The following DCDC1 variants were observed in gnomAD, a reference collection of about 807,000 sequenced individuals.
DCDC1 encodes the protein doublecortin domain-containing protein 1.
A neutral mutation model predicts 178.3 loss-of-function variants in DCDC1; 200 were observed. That is an observed-to-expected ratio of 1.12 (90% CI 1.00 to 1.26). The LOEUF is 1.26. Among genes scored for constraint, DCDC1 ranks in the 50% most tolerant of loss-of-function variants. The pLI is 0.00. For synonymous variants in DCDC1, 690 were observed against 604.8 expected, an observed-to-expected ratio of 1.14 and a Z score of -2.07; for missense variants, 1,983 against 1,749.2, an observed-to-expected ratio of 1.13 and a Z score of -2.38.
chr11:30,884,077 C>G (rs1257507304), intron 36 of DCDC1, among the ~76,000 whole-genome samples: 1 of 127,274 alleles, frequency 7.9e-6, no homozygotes, highest in Non-Finnish European at 1.6e-5. Flanking sequence ...GTCACCTAGG[C>G]TGGAGTGCAG....
At chr11:31,268,842 A>G (rs1045637827) in intron 7 of DCDC1, among the ~76,000 whole-genome samples, 1 of 152,318 alleles carries the variant, frequency 6.6e-6, no homozygotes, top group East Asian at 1.9e-4. Context: ...CCAACAGTGT[A>G]TAAGCGTTCC....
chr11:30,927,831 A>G (rs1000251950), intron 22 of DCDC1, among the ~76,000 whole-genome samples: 4 of 152,332 alleles, frequency 2.6e-5, no homozygotes, highest in Admixed American at 1.3e-4. Context: ...CTTAAACTCA[A>G]TAAAACTATT....
At position 31,258,802 on chromosome 11, in the gene DCDC1, A is replaced by G. The variant is rs374034730; in HGVS notation, c.1054+6705T>C. Among the ~76,000 whole-genome samples, 95 of 152,290 alleles carry G rather than the reference A, an allele frequency of 6.2e-4. 1 individual carries two copies. The highest frequency in any genetic ancestry group is 2.0e-3 in the African/African-American group (84 of 41,568). On this transcript the variant is annotated intron_variant, in intron 8 of 38. Coordinates refer to ENST00000684477, the MANE Select transcript of DCDC1 (RefSeq NM_001387274.1). ...AAGTTTCTTAGGCTTAAATAATTCCATAGACAGAAGCTGTTACAGCAACCA... is the reference window on the plus strand; with the variant it reads ...AAGTTTCTTAGGCTTAAATAATTCCGTAGACAGAAGCTGTTACAGCAACCA...
At chr11:31,176,661 C>G (rs1319155827) in intron 9 of DCDC1, among the ~76,000 whole-genome samples, 1 of 152,160 alleles carries the variant, frequency 6.6e-6, no homozygotes, top group Middle Eastern at 3.4e-3. Flanking sequence ...AGAAAAGTAT[C>G]AAGTCACATA....
At chr11:31,224,318 A>G (rs1344347385) in intron 9 of DCDC1, among the ~76,000 whole-genome samples, 2 of 152,032 alleles carry the variant, frequency 1.3e-5, no homozygotes, top group African/African-American at 2.4e-5. Flanking sequence ...CATGTAGAAG[A>G]GTAAAACTGG....
chr11:31,323,925 T>C (rs1949511195), intron 3 of DCDC1, among the ~76,000 whole-genome samples: 1 of 152,124 alleles, frequency 6.6e-6, no homozygotes, highest in African/African-American at 2.4e-5. Context: ...AATTGCTAGA[T>C]TCTGTGATAA....
intron 6 of DCDC1, among the ~76,000 whole-genome samples, chr11:31,304,314 A>G (rs1281588037): frequency 6.6e-6 from 1 of 152,192 alleles, no homozygotes; most frequent in Non-Finnish European, 1.5e-5. Context: ...TAATGAAGCA[A>G]TCATTACAAA....
chr11:30,869,835 C>G (rs7117695), intron 38 of DCDC1, among the ~76,000 whole-genome samples: 72,173 of 151,842 alleles, frequency 0.48, 18,537 homozygotes, highest in Middle Eastern at 0.59. Context: ...CACAGGGGAG[C>G]GAGTTTGTCC....
intron 15 of DCDC1, among the ~76,000 whole-genome samples, chr11:31,096,804 G>C (rs1260918359): frequency 6.6e-6 from 1 of 151,996 alleles, no homozygotes; most frequent in Admixed American, 6.6e-5. Flanking sequence ...TAATTTGATA[G>C]CTTAGCTTTA....
At chr11:31,239,319 G>C (rs778778448) in intron 9 of DCDC1, among the ~76,000 whole-genome samples, 2 of 151,980 alleles carry the variant, frequency 1.3e-5, no homozygotes, top group Non-Finnish European at 2.9e-5. Flanking sequence ...AAGGATATTT[G>C]CTAGGAAATC....
At chr11:31,074,145 A>T (rs1207994017) in intron 18 of DCDC1, among the ~76,000 whole-genome samples, 1 of 152,178 alleles carries the variant, frequency 6.6e-6, no homozygotes, top group Non-Finnish European at 1.5e-5. Context: ...AGGTATAGAA[A>T]GATGCCTGAC....
chr11:31,168,871 T>C (rs1966874907), intron 9 of DCDC1, among the ~76,000 whole-genome samples: 2 of 152,206 alleles, frequency 1.3e-5, no homozygotes, highest in African/African-American at 2.4e-5. Flanking sequence ...TATTATTTTA[T>C]TTTATTAGGT....
chr11:31,129,091 T>C (rs888363342), intron 10 of DCDC1, among the ~76,000 whole-genome samples: 3 of 152,192 alleles, frequency 2.0e-5, no homozygotes, highest in African/African-American at 7.2e-5. Context: ...AATTCTGATG[T>C]TAAATCCATT....
intron 20 of DCDC1, among the ~76,000 whole-genome samples, chr11:31,036,233 C>T (rs1954017195): frequency 6.6e-6 from 1 of 152,166 alleles, no homozygotes; most frequent in African/African-American, 2.4e-5. Flanking sequence ...GACTGTGCTT[C>T]AACTGAAAGC....
intron 20 of DCDC1, among the ~76,000 whole-genome samples, chr11:30,955,134 C>T (rs1231331816): frequency 6.6e-6 from 1 of 152,136 alleles, no homozygotes; most frequent in Admixed American, 6.6e-5. Context: ...CTCCAAGAAC[C>T]CGCTTCTTTT....
intron 9 of DCDC1, among the ~76,000 whole-genome samples, chr11:31,186,951 G>T (rs1206121251): frequency 6.6e-6 from 1 of 152,072 alleles, no homozygotes; most frequent in Non-Finnish European, 1.5e-5. Context: ...TTGCTTCCCT[G>T]TTATGGTGCC....
intron 9 of DCDC1, among the ~76,000 whole-genome samples, chr11:31,185,736 T>C (rs1309448755): frequency 6.6e-6 from 1 of 152,210 alleles, no homozygotes; most frequent in Non-Finnish European, 1.5e-5. Flanking sequence ...AAAGGTGCTT[T>C]GCTAGCATTA....
At chr11:31,368,942 ACACCACCACCACCAC>A (rs534970534) in intron 1 of DCDC1, among the ~76,000 whole-genome samples, 1 of 151,596 alleles carries the variant, frequency 6.6e-6, no homozygotes, top group East Asian at 1.9e-4. Context: ...GGTGAGAAAA[ACACCACCACCACCAC>A]CACCACCACC....
At chr11:30,926,360 T>C (rs996583231) in intron 22 of DCDC1, among the ~76,000 whole-genome samples, 1 of 152,228 alleles carries the variant, frequency 6.6e-6, no homozygotes, top group Admixed American at 6.5e-5. Context: ...ACCTGCCTTC[T>C]AGCCCATAAG....
Sources: gnomAD v4.1 joint callset for allele counts (sites outside exome capture counted in the v4.1 genomes callset) on GRCh38, gnomAD v4.1.1 for gene constraint, MANE v1.5 for transcripts, NCBI Gene and HGNC (gene_info 2026-07-23, HGNC 2026-07-21) for gene names.